LAMA2: variants seen among roughly 807,000 people sequenced by gnomAD.
LAMA2 encodes the protein laminin subunit alpha 2, also known as laminin subunit alpha-2.
Under a neutral mutation model 364.8 loss-of-function variants are expected in LAMA2, and 269 were observed. The observed-to-expected ratio is 0.74, with a 90% CI of 0.67 to 0.82. The LOEUF (loss-of-function observed/expected upper bound fraction) is 0.82, where lower values mean the gene tolerates loss of function less well. Among genes scored for constraint, LAMA2 ranks in the 40% least tolerant of loss-of-function variants. LAMA2 has a pLI of 0.00. For synonymous variants in LAMA2, 1,379 were observed against 1,370.6 expected, an observed-to-expected ratio of 1.01 and a Z score of -0.14; for missense variants, 3,807 against 3,873.2, an observed-to-expected ratio of 0.98 and a Z score of 0.45.
chr6:129,197,273 G>A (rs2115043820), intron 12 of LAMA2, among the ~76,000 whole-genome samples: 1 of 152,264 alleles, frequency 6.6e-6, no homozygotes, highest in South Asian at 2.1e-4. Context: ...TGGAGAGTCA[G>A]ATACCTTTTA....
chr6:129,309,026 A>G (rs1024277992), intron 22 of LAMA2, among the ~76,000 whole-genome samples: 22 of 152,214 alleles, frequency 1.4e-4, no homozygotes, highest in African/African-American at 5.3e-4. Context: ...TAGTGGGGAC[A>G]TATCCAACTG....
At chr6:129,088,726 G>A (rs1175501000) in intron 3 of LAMA2, among the ~76,000 whole-genome samples, 5 of 151,742 alleles carry the variant, frequency 3.3e-5, no homozygotes, top group East Asian at 1.9e-4. Flanking sequence ...GGCGGCTGCC[G>A]GGCAGAGGGG....
At chr6:129,128,408 T>C (rs1035911378) in intron 4 of LAMA2, among the ~76,000 whole-genome samples, 1 of 152,214 alleles carries the variant, frequency 6.6e-6, no homozygotes, top group Non-Finnish European at 1.5e-5. Context: ...AGCTTTGTAG[T>C]ATTGTTTGAA....
At chr6:129,355,840 A>G (rs1004274586) in intron 32 of LAMA2, among the ~76,000 whole-genome samples, 14 of 152,270 alleles carry the variant, frequency 9.2e-5, no homozygotes, top group African/African-American at 3.4e-4. Context: ...GGATTTGTGT[A>G]TTTCAAAAAC....
intron 2 of LAMA2, among the ~76,000 whole-genome samples, chr6:129,055,122 C>T (rs772427395): frequency 1.3e-5 from 2 of 150,208 alleles, no homozygotes; most frequent in Admixed American, 1.3e-4. Flanking sequence ...TTTTTATTTA[C>T]CTGTAGTGTT....
chr6:129,314,747 C>G lies in LAMA2; in HGVS notation c.3504C>G (p.Cys1168Trp). ...KNPLGCSSCY[C>W]FGTTTQCSEA... ...CACTTGGCTGCAGCAGCTGCTATTG[C>G]TTCGGCACTACTACCCAGTGCTCTG... Residue 1168 changes from cysteine (C) to tryptophan (W), a missense_variant, in exon 24 of 65, where the codon TGC (cysteine) becomes TGG (tryptophan). Around this residue, in one of 3 missense-constraint regions of LAMA2, gnomAD observed 3,333 missense variants for 3,345.7 expected, o/e 1.00. Coordinates refer to ENST00000421865, the MANE Select transcript of LAMA2 (RefSeq NM_000426.4). 6.2e-7 allele frequency: 1 copy of G among 1,614,034 alleles called. No homozygotes were observed. The highest frequency in any genetic ancestry group is 8.5e-7 in the Non-Finnish European group (1 of 1,180,012).
intron 12 of LAMA2, among the ~76,000 whole-genome samples, chr6:129,196,128 C>G (rs1472862792): frequency 6.6e-6 from 1 of 152,204 alleles, no homozygotes; most frequent in Non-Finnish European, 1.5e-5. Flanking sequence ...CTTTCTGTTT[C>G]TAGCTTAGAG....
chr6:129,482,687 T>C (rs574985220), intron 55 of LAMA2, among the ~76,000 whole-genome samples: 1 of 152,284 alleles, frequency 6.6e-6, no homozygotes, highest in South Asian at 2.1e-4. Context: ...ACACAAAATA[T>C]TCACAAAGAG....
chr6:129,312,860 G>A lies in LAMA2; in HGVS notation c.3175-1G>A. 6.2e-7 allele frequency: 1 copy of A among 1,609,392 alleles called. No individual in the cohort carries two copies. Among genetic ancestry groups the A allele is most frequent in the Non-Finnish European group, 8.5e-7 (1 of 1,175,762 alleles). On this transcript the variant is annotated splice_acceptor_variant, in intron 22 of 64. Coordinates refer to ENST00000421865, the MANE Select transcript of LAMA2 (RefSeq NM_000426.4). LOFTEE classifies it high-confidence loss of function. ...GGTTGCTGTTTTTATCTCCTCTATA[G>A]GCTTGTAACTGCAGCACAGTGGGAT...
At chr6:129,478,890 A>G (rs1386895421) in intron 54 of LAMA2, 77 bp downstream of exon 54, 1 of 1,295,932 alleles carries the variant, frequency 7.7e-7, no homozygotes, top group African/African-American at 1.5e-5. Flanking sequence ...TCCTACAAGG[A>G]TCAGTCTTTT....
At chr6:129,203,645 C>T (rs936260500) in intron 12 of LAMA2, among the ~76,000 whole-genome samples, 8 of 152,166 alleles carry the variant, frequency 5.3e-5, no homozygotes, top group African/African-American at 1.7e-4. Context: ...TAATACATGA[C>T]TTTTTTTCCT....
At chr6:129,069,876 G>C (rs1261516383) in intron 3 of LAMA2, among the ~76,000 whole-genome samples, 4 of 149,180 alleles carry the variant, frequency 2.7e-5, no homozygotes, top group African/African-American at 9.8e-5. Context: ...TAATGTATTA[G>C]CTATATGTAT....
chr6:129,046,818 T>A (rs1323365800), intron 1 of LAMA2, among the ~76,000 whole-genome samples: 2 of 152,202 alleles, frequency 1.3e-5, no homozygotes, highest in African/African-American at 4.8e-5. Context: ...TGTTTGTTTT[T>A]TCTTTCTTCA....
intron 64 of LAMA2, among the ~76,000 whole-genome samples, chr6:129,514,900 C>T (rs1786915226): frequency 6.6e-6 from 1 of 151,840 alleles, no homozygotes; most frequent in Admixed American, 6.6e-5. Context: ...GCAATTGGAG[C>T]CAAACTTGGT....
At chr6:129,048,827 C>T (rs1787789168) in intron 1 of LAMA2, among the ~76,000 whole-genome samples, 1 of 151,906 alleles carries the variant, frequency 6.6e-6, no homozygotes, top group South Asian at 2.1e-4. Flanking sequence ...GTTGGCCAGA[C>T]TGGTCTTGAA....
intron 33 of LAMA2, among the ~76,000 whole-genome samples, chr6:129,368,932 G>C (rs1777924181): frequency 6.6e-6 from 1 of 152,188 alleles, no homozygotes; most frequent in African/African-American, 2.4e-5. Flanking sequence ...AACAAAGTGG[G>C]ATTTATTAAC....
chr6:129,409,296 A>G (rs1780404215), intron 40 of LAMA2, among the ~76,000 whole-genome samples: 1 of 152,026 alleles, frequency 6.6e-6, no homozygotes, highest in African/African-American at 2.4e-5. Context: ...GCCTCTGTCA[A>G]CTGATCATGG....
At chr6:129,396,099 C>T (rs1779600552) in intron 37 of LAMA2, among the ~76,000 whole-genome samples, 1 of 152,126 alleles carries the variant, frequency 6.6e-6, no homozygotes, top group Non-Finnish European at 1.5e-5. Context: ...GAGTGGCTCA[C>T]TTAAACTGAA....
intron 37 of LAMA2, 115 bp from the exon 38 acceptor site, chr6:129,401,109 C>T: frequency 2.5e-6 from 2 of 786,498 alleles, no homozygotes; most frequent in East Asian, 4.9e-5. Flanking sequence ...CACATTTCAA[C>T]ATGATGTACC....
Sources: allele counts gnomAD v4.1 joint callset (sites outside exome capture counted in the v4.1 genomes callset), GRCh38; gene constraint gnomAD v4.1.1; regional missense constraint gnomAD v4.1.1; transcripts MANE v1.5; gene names NCBI Gene and HGNC (gene_info 2026-07-23, HGNC 2026-07-21).